The following N4BP2 variants were observed in gnomAD, a reference collection of about 807,000 sequenced individuals.
N4BP2 encodes the protein NEDD4-binding protein 2.
Under a neutral mutation model 152.8 loss-of-function variants are expected in N4BP2, and 91 were observed. The ratio of observed to expected loss-of-function variants is 0.60; its 90% CI spans 0.50 to 0.71. The LOEUF (loss-of-function observed/expected upper bound fraction) is 0.71, where lower values mean the gene tolerates loss of function less well. Among genes scored for constraint, N4BP2 ranks in the 30% least tolerant of loss-of-function variants. The pLI, the probability that N4BP2 is intolerant of heterozygous loss-of-function variation, is 0.00. For missense variants in N4BP2, 1,923 were observed against 2,059.1 expected (o/e 0.93, Z 1.28); for synonymous variants, 646 against 705.3 (o/e 0.92, Z 1.33).
At chr4:40,141,373 G>C (rs1244354000) in intron 14 of N4BP2, among the ~76,000 whole-genome samples, 1 of 151,880 alleles carries the variant, frequency 6.6e-6, no homozygotes, top group Non-Finnish European at 1.5e-5. Flanking sequence ...TCTCAGACGG[G>C]GCAGCCGGGC....
At chr4:40,079,226 A>G (rs1399219752) in intron 2 of N4BP2, among the ~76,000 whole-genome samples, 1 of 151,700 alleles carries the variant, frequency 6.6e-6, no homozygotes, top group Non-Finnish European at 1.5e-5. Context: ...CTGTCCTGAT[A>G]ATGGTGCTTT....
At chr4:40,066,774 A>C (rs1370181661) in intron 1 of N4BP2, among the ~76,000 whole-genome samples, 1 of 152,172 alleles carries the variant, frequency 6.6e-6, no homozygotes, top group Non-Finnish European at 1.5e-5. Context: ...CACTTTTAAG[A>C]GTACAGAACA....
Position 40,120,577 on chromosome 4 carries a change from T to A in N4BP2, c.2466T>A (p.Pro822=). ...AAAGCGACAAAAAGTATAATTACCC[T>A]CAGTCACACAAATTAGTTAACAGTG... ...SVQSDKKYNY[P]QSHKLVNSVS... is the part of the protein sequence containing the mutation. Residue 822 remains proline, a synonymous_variant, in exon 9 of 18, where the codon CCT becomes CCA. Transcript: ENST00000261435. 1 of 1,614,104 alleles carries A rather than the reference T, an allele frequency of 6.2e-7. No individual in the cohort carries two copies. The highest frequency in any genetic ancestry group is 8.5e-7 in the Non-Finnish European group (1 of 1,180,022).
chr4:40,190,044 T>A, the N4BP2 span, among the ~76,000 whole-genome samples: 1 of 152,244 alleles, frequency 6.6e-6, no homozygotes, highest in African/African-American at 2.4e-5. Flanking sequence ...CCATCCTTTT[T>A]AAATATGCAC....
At chr4:40,161,897 A>T (rs1464620934), downstream of N4BP2, among the ~76,000 whole-genome samples, 1 of 152,206 alleles carries the variant, frequency 6.6e-6, no homozygotes, top group Non-Finnish European at 1.5e-5. Flanking sequence ...AGTAGCTGCT[A>T]CGTCTGCCGT....
the N4BP2 span, among the ~76,000 whole-genome samples, chr4:40,175,680 C>T: frequency 6.6e-6 from 1 of 151,740 alleles, no homozygotes; most frequent in East Asian, 1.9e-4. Flanking sequence ...TGGTGGCGGG[C>T]GCCTGTGGTC....
At chr4:40,116,364 T>C (rs1199654833) in intron 7 of N4BP2, among the ~76,000 whole-genome samples, 1 of 152,144 alleles carries the variant, frequency 6.6e-6, no homozygotes, top group Non-Finnish European at 1.5e-5. Flanking sequence ...TATCTCGCCT[T>C]TTCTGTGATT....
At chr4:40,136,106 G>C (rs1294066749) in intron 13 of N4BP2, among the ~76,000 whole-genome samples, 1 of 152,024 alleles carries the variant, frequency 6.6e-6, no homozygotes, top group African/African-American at 2.4e-5. Context: ...TGAGAGGTAG[G>C]GTAGTGCTTA....
chr4:40,112,481 ATATT>A (rs1322553378), intron 6 of N4BP2, among the ~76,000 whole-genome samples: 2 of 151,960 alleles, frequency 1.3e-5, no homozygotes, highest in Admixed American at 6.6e-5. Flanking sequence ...TATGTTATAT[ATATT>A]TATTTCCTTT....
chr4:40,106,792 A>G, intron 4 of N4BP2, 108 bp from the exon 5 acceptor site: 1 of 1,076,484 alleles, frequency 9.3e-7, no homozygotes, highest in South Asian at 1.6e-5. Flanking sequence ...CAAGTGATCC[A>G]CAAAATGATA....
intron 8 of N4BP2, among the ~76,000 whole-genome samples, chr4:40,118,247 G>A (rs1280858923): frequency 2.9e-4 from 44 of 152,106 alleles, no homozygotes; most frequent in Non-Finnish European, 2.9e-4. Flanking sequence ...GGAGAAACCC[G>A]TCTCCACTAA....
Position 40,106,919 on chromosome 4 carries a change from C to A in N4BP2, c.1393C>A (p.Pro465Thr), listed in dbSNP as rs1210925751. The change falls in exon 5 of 18, where the codon CCA (proline) becomes ACA (threonine). Residue 465 changes from proline to threonine, a missense_variant. Transcript: ENST00000261435. ...FLARTLQEDN[P>T]SGVILSTDDY... ...TCACAGGACTTTGCAAGAGGATAAT[C>A]CAAGTGGAGTCATTCTTAGTACTGA... 6.2e-7 allele frequency: 1 copy of A among 1,609,324 alleles called. No individual in the cohort carries two copies. Among genetic ancestry groups the A allele is most frequent in the Admixed American group, 1.7e-5 (1 of 59,702 alleles).
At chr4:40,091,050 T>G (rs1319315792) in intron 2 of N4BP2, among the ~76,000 whole-genome samples, 2 of 151,112 alleles carry the variant, frequency 1.3e-5, no homozygotes, top group Non-Finnish European at 2.9e-5. Flanking sequence ...TTTCTTTAAT[T>G]TCAGTGTCCA....
chr4:40,067,261 G>A (rs1711616660), intron 1 of N4BP2, among the ~76,000 whole-genome samples: 1 of 151,712 alleles, frequency 6.6e-6, no homozygotes, highest in Non-Finnish European at 1.5e-5. Context: ...TGTTGCCCGG[G>A]CTGATCTTGA....
the N4BP2 span, among the ~76,000 whole-genome samples, chr4:40,173,004 C>T: frequency 4.6e-5 from 7 of 152,164 alleles, no homozygotes; most frequent in Non-Finnish European, 5.9e-5. Flanking sequence ...CAGTTGACAC[C>T]GCCTTGCTGT....
the N4BP2 span, among the ~76,000 whole-genome samples, chr4:40,181,671 G>T: frequency 4.2e-4 from 64 of 152,324 alleles, no homozygotes; most frequent in Admixed American, 2.5e-3. Context: ...AGAAGTCCGG[G>T]TGCGGTGGCT....
In N4BP2 at chr4:40,156,231, T is replaced by A. The variant is rs191726640; in HGVS notation, c.*1994T>A. The stretch of plus-strand genomic sequence containing the variant: ...TGTTTTTATATTTCCTTACCTAGTT[T>A]TAAAAATCATCACTTTTCGGCACTT... On this transcript the variant is annotated 3_prime_UTR_variant, in exon 18 of 18. Transcript: ENST00000261435. 1 of 152,298 alleles carries A rather than the reference T, an allele frequency of 6.6e-6. No homozygotes were observed. The highest frequency in any genetic ancestry group is 1.5e-5 in the Non-Finnish European group (1 of 68,002). 9.4% of individuals were successfully genotyped at this position (152,298 alleles called of 1,614,324 possible).
chr4:40,188,249 T>G, the N4BP2 span, among the ~76,000 whole-genome samples: 1 of 152,126 alleles, frequency 6.6e-6, no homozygotes, highest in Non-Finnish European at 1.5e-5. Context: ...ATACCAAAGA[T>G]ATTGGCAAAA....
intron 3 of N4BP2, among the ~76,000 whole-genome samples, chr4:40,101,525 C>T (rs1715653109): frequency 6.6e-6 from 1 of 152,050 alleles, no homozygotes; most frequent in South Asian, 2.1e-4. Flanking sequence ...TTTTAAATCT[C>T]TATTAGATTG....
Sources: allele counts gnomAD v4.1 joint callset (sites outside exome capture counted in the v4.1 genomes callset), GRCh38; gene constraint gnomAD v4.1.1; transcripts MANE v1.5; gene names NCBI Gene and HGNC (gene_info 2026-07-23, HGNC 2026-07-21).